The following LINGO2 variants were observed in gnomAD, a reference collection of about 807,000 sequenced individuals.
The protein encoded by LINGO2 is leucine-rich repeat and immunoglobulin-like domain-containing nogo receptor-interacting protein 2.
LINGO2 carries 14 observed loss-of-function variants against 30.6 expected under a neutral mutation model. The ratio of observed to expected loss-of-function variants is 0.46; its 90% CI spans 0.30 to 0.72. LINGO2 has a LOEUF of 0.72. Among genes scored for constraint, LINGO2 ranks in the 30% least tolerant of loss-of-function variants. The pLI is 0.07. For missense variants in LINGO2, 729 were observed against 751.7 expected, an observed-to-expected ratio of 0.97 and a Z score of 0.35; for synonymous variants, 317 against 288.5, an observed-to-expected ratio of 1.10 and a Z score of -1.00.
chr9:28,615,381 G>T (rs1475500004), intron 1 of LINGO2, among the ~76,000 whole-genome samples: 4 of 152,266 alleles, frequency 2.6e-5, no homozygotes, highest in Middle Eastern at 3.4e-3. Flanking sequence ...TAACCTCGAA[G>T]AATGCTCAGT....
chr9:29,049,536 T>C, the LINGO2 span, among the ~76,000 whole-genome samples: 2 of 152,164 alleles, frequency 1.3e-5, no homozygotes, highest in Admixed American at 6.5e-5. Context: ...AACTAAGATT[T>C]GGAAGCAACC....
At chr9:28,983,877 T>C in the LINGO2 span, among the ~76,000 whole-genome samples, 3 of 152,024 alleles carry the variant, frequency 2.0e-5, no homozygotes, top group Non-Finnish European at 4.4e-5. Flanking sequence ...ATTAAAAAGA[T>C]AGCACCATAC....
the LINGO2 span, among the ~76,000 whole-genome samples, chr9:29,111,461 T>G: frequency 6.6e-6 from 1 of 151,968 alleles, no homozygotes; most frequent in Non-Finnish European, 1.5e-5. Flanking sequence ...GATGCAAAAG[T>G]TAAGCTAGTT....
chr9:28,451,450 T>A (rs1475989938), intron 2 of LINGO2, among the ~76,000 whole-genome samples: 1 of 151,778 alleles, frequency 6.6e-6, no homozygotes, highest in African/African-American at 2.4e-5. Context: ...TTGAATCAAC[T>A]CATAGATTCA....
chr9:28,730,379 G>C, the LINGO2 span, among the ~76,000 whole-genome samples: 12 of 152,124 alleles, frequency 7.9e-5, no homozygotes, highest in Admixed American at 6.5e-4. Context: ...GTTGGGCAAA[G>C]AGTTAGGCTT....
chr9:28,442,286 C>T (rs1005357475), intron 2 of LINGO2, among the ~76,000 whole-genome samples: 27 of 150,412 alleles, frequency 1.8e-4, no homozygotes, highest in African/African-American at 4.2e-4. Flanking sequence ...AATGACCAAC[C>T]GAAATCCTAC....
In LINGO2 at chr9:28,048,910, A is replaced by T. The variant is rs562501281; in HGVS notation, c.-86-36505T>A. ...ATATAGTTATGTTTATGCACATAGA[A>T]CAAATTCTATCCCGAGTGTAACAAA... On this transcript the variant is annotated intron_variant, in intron 4 of 5. Transcript: ENST00000379992. 9.9e-5 allele frequency among the ~76,000 whole-genome samples: 15 copies of T among 150,862 alleles called. 2 individuals carry two copies. The highest frequency in any genetic ancestry group is 4.2e-4 in the South Asian group (2 of 4,726).
At chr9:29,133,116 G>A in the LINGO2 span, among the ~76,000 whole-genome samples, 1 of 152,052 alleles carries the variant, frequency 6.6e-6, no homozygotes, top group Non-Finnish European at 1.5e-5. Flanking sequence ...TATCAATAAT[G>A]ACACAGTCAA....
At chr9:28,258,962 G>A (rs1292487794) in intron 4 of LINGO2, among the ~76,000 whole-genome samples, 3 of 151,644 alleles carry the variant, frequency 2.0e-5, no homozygotes, top group East Asian at 1.9e-4. Context: ...AAAATCATAG[G>A]AGGATTGGTC....
At chr9:28,508,943 T>C (rs759040074) in intron 1 of LINGO2, among the ~76,000 whole-genome samples, 1 of 152,116 alleles carries the variant, frequency 6.6e-6, no homozygotes, top group East Asian at 1.9e-4. Flanking sequence ...AACTACTTCA[T>C]GCAGTATGCA....
At chr9:28,030,645 G>A (rs1229971023) in intron 4 of LINGO2, among the ~76,000 whole-genome samples, 3 of 152,202 alleles carry the variant, frequency 2.0e-5, no homozygotes, top group Non-Finnish European at 4.4e-5. Flanking sequence ...AGCACTTGCA[G>A]TAATGCACCA....
At chr9:29,143,977 T>C in the LINGO2 span, among the ~76,000 whole-genome samples, 2 of 152,296 alleles carry the variant, frequency 1.3e-5, no homozygotes, top group Admixed American at 6.5e-5. Context: ...AGTGTCAATT[T>C]TCTGCATATG....
intron 4 of LINGO2, among the ~76,000 whole-genome samples, chr9:28,092,771 C>G (rs2133273185): frequency 6.6e-6 from 1 of 151,912 alleles, no homozygotes; most frequent in Non-Finnish European, 1.5e-5. Context: ...CTATCCAAAA[C>G]CAAGCAGCGT....
the LINGO2 span, among the ~76,000 whole-genome samples, chr9:29,013,277 T>C: frequency 3.3e-5 from 5 of 152,218 alleles, no homozygotes. Context: ...TCCAATGTGC[T>C]AAATGGCACC....
chr9:28,136,522 C>T (rs1476009772), intron 4 of LINGO2, among the ~76,000 whole-genome samples: 1 of 152,196 alleles, frequency 6.6e-6, no homozygotes, highest in Non-Finnish European at 1.5e-5. Context: ...ATTTCAGGGT[C>T]ACTTTTCTGT....
chr9:28,939,913 G>C, the LINGO2 span, among the ~76,000 whole-genome samples: 1 of 152,254 alleles, frequency 6.6e-6, no homozygotes, highest in Admixed American at 6.5e-5. Context: ...AATCTTGAGA[G>C]AATTAAGTTC....
At chr9:28,117,647 A>G (rs1280241774) in intron 4 of LINGO2, among the ~76,000 whole-genome samples, 5 of 130,360 alleles carry the variant, frequency 3.8e-5, no homozygotes, top group African/African-American at 1.5e-4. Context: ...GAAAAGCGCA[A>G]TATTCGGGTG....
the LINGO2 span, among the ~76,000 whole-genome samples, chr9:28,787,427 T>A: frequency 6.6e-6 from 1 of 152,172 alleles, no homozygotes. Flanking sequence ...CTGTGGCATC[T>A]TGTAGGATAA....
intron 2 of LINGO2, among the ~76,000 whole-genome samples, chr9:28,437,651 C>A (rs954972324): frequency 6.6e-6 from 1 of 151,934 alleles, no homozygotes; most frequent in African/African-American, 2.4e-5. Flanking sequence ...CAATGTATCT[C>A]CTCTCCCCCT....
Sources: allele counts gnomAD v4.1 joint callset (sites outside exome capture counted in the v4.1 genomes callset), GRCh38; gene constraint gnomAD v4.1.1; transcripts MANE v1.5; gene names NCBI Gene and HGNC (gene_info 2026-07-23, HGNC 2026-07-21).